The following TRIQK variants were observed in gnomAD, a reference collection of about 807,000 sequenced individuals.
TRIQK encodes triple QxxK/R motif-containing protein.
In TRIQK, 10 loss-of-function variants were observed where a neutral mutation model predicts 10.8. The observed-to-expected ratio is 0.92, with a 90% CI of 0.57 to 1.57. The LOEUF (loss-of-function observed/expected upper bound fraction) is 1.57. TRIQK is among the 40% of genes most tolerant of loss of function. The pLI is 0.00. For missense variants in TRIQK, 107 were observed against 97.7 expected (o/e 1.09, Z -0.40); for synonymous variants, 33 against 33.7 (o/e 0.98, Z 0.07).
intron 1 of TRIQK, among the ~76,000 whole-genome samples, chr8:92,977,997 G>A (rs1446974673): frequency 6.6e-6 from 1 of 152,080 alleles, no homozygotes; most frequent in Admixed American, 6.6e-5. Context: ...TGGTCTTATG[G>A]ATTTTTCTCT....
Position 92,892,009 on chromosome 8 carries a change from T to C in TRIQK, c.127A>G (p.Lys43Glu). 1.3e-6 allele frequency: 2 copies of C among 1,533,738 alleles called. No homozygotes were observed. The highest frequency in any genetic ancestry group is 1.7e-6 in the Non-Finnish European group (2 of 1,144,498). ...TTTACCTTTATGCCTATTGCTGTTT[T>C]CTTTGCTTCTGCTTTTAATTTGGTT... ...RATKLKAEAK[K>E]TAIGIKEVGL... The change falls in exon 4 of 5, where the codon AAA becomes GAA. Residue 43 changes from lysine to glutamate, a missense_variant. Physicochemically the swap from Lys to Glu is moderately conservative, Grantham distance 56 (BLOSUM62 1). Transcript: ENST00000521988.
upstream of TRIQK, among the ~76,000 whole-genome samples, chr8:92,969,796 A>T (rs1586517857): frequency 1.3e-5 from 2 of 148,346 alleles, no homozygotes; most frequent in South Asian, 2.2e-4. Context: ...AATTTTTTTT[A>T]AATTTTAGGT....
intron 3 of TRIQK, among the ~76,000 whole-genome samples, chr8:92,913,073 C>A (rs1809650636): frequency 6.6e-6 from 1 of 151,998 alleles, no homozygotes; most frequent in Admixed American, 6.6e-5. Flanking sequence ...TATTAGCAAA[C>A]AAAATTCAAC....
intron 1 of TRIQK, among the ~76,000 whole-genome samples, chr8:93,002,091 C>T (rs1813216906): frequency 6.6e-6 from 1 of 151,986 alleles, no homozygotes; most frequent in African/African-American, 2.4e-5. Flanking sequence ...AATTGCAATA[C>T]AGCATACCAA....
intron 2 of TRIQK, among the ~76,000 whole-genome samples, chr8:92,920,946 G>C (rs1386733893): frequency 6.6e-6 from 1 of 151,366 alleles, no homozygotes; most frequent in Admixed American, 6.6e-5. Flanking sequence ...CATCCAGAGG[G>C]GAGAGCCATG....
At chr8:92,889,177 C>T (rs766187889) in intron 4 of TRIQK, among the ~76,000 whole-genome samples, 7 of 151,620 alleles carry the variant, frequency 4.6e-5, no homozygotes, top group Non-Finnish European at 1.0e-4. Flanking sequence ...CCTTAAAACG[C>T]TATTACTAAA....
chr8:92,949,809 AG>A (rs1811781690), intron 2 of TRIQK, among the ~76,000 whole-genome samples: 1 of 135,916 alleles, frequency 7.4e-6, no homozygotes, highest in South Asian at 2.7e-4. Flanking sequence ...AAAGAAAGAA[AG>A]AAAGAAAGAA....
Position 92,926,415 on chromosome 8 carries a change from TA to T in TRIQK, c.-21-9406del, listed in dbSNP as rs1383824006. 19 of 152,206 alleles carry T rather than the reference TA, an allele frequency of 1.2e-4. No individual in the cohort carries two copies. The East Asian group carries it at 3.5e-3, about 28-fold the overall frequency. 9.4% of individuals were successfully genotyped at this position (152,206 alleles called of 1,614,324 possible). On this transcript the variant is annotated intron_variant, in intron 2 of 4. Coordinates refer to ENST00000521988, the MANE Select transcript of TRIQK (RefSeq NM_001171797.2). ...AATTACAGACCAATCCATTATAAAA[TA>T]AATACAAGGAAGGAGACAGATAGCA...
chr8:92,891,857 T>C, intron 4 of TRIQK, 132 bp downstream of exon 4: 1 of 667,162 alleles, frequency 1.5e-6, no homozygotes, highest in Non-Finnish European at 2.4e-6. Context: ...TACAAAAACC[T>C]TTAAGTCTGG....
chr8:93,003,019 C>G (rs924120248), intron 1 of TRIQK, among the ~76,000 whole-genome samples: 1 of 151,780 alleles, frequency 6.6e-6, no homozygotes, highest in Non-Finnish European at 1.5e-5. Flanking sequence ...GACAAGGACA[C>G]ACAAAAAGGG....
intron 4 of TRIQK, among the ~76,000 whole-genome samples, chr8:92,889,467 T>C (rs538656979): frequency 6.6e-6 from 1 of 151,738 alleles, no homozygotes; most frequent in East Asian, 1.9e-4. Context: ...AAATTAGTAA[T>C]GTTTTTAAAA....
At chr8:92,963,221 G>A (rs749658763) in intron 1 of TRIQK, among the ~76,000 whole-genome samples, 28 of 152,208 alleles carry the variant, frequency 1.8e-4, no homozygotes, top group Admixed American at 7.2e-4. Context: ...ACATTTATGC[G>A]TTTTACAAAA....
intron 2 of TRIQK, among the ~76,000 whole-genome samples, chr8:92,934,246 T>C (rs758892068): frequency 1.3e-5 from 2 of 151,970 alleles, no homozygotes; most frequent in Admixed American, 6.6e-5. Context: ...CTAGATGACA[T>C]TGACAAAGTC....
chr8:92,960,831 C>A (rs1812425188), intron 1 of TRIQK: 1 of 152,198 alleles, frequency 6.6e-6, no homozygotes, highest in African/African-American at 2.4e-5. Context: ...TTCTGAACCA[C>A]AGAACTGTCA....
intron 2 of TRIQK, among the ~76,000 whole-genome samples, chr8:92,945,639 T>C (rs1015331879): frequency 5.9e-5 from 9 of 152,336 alleles, no homozygotes; most frequent in Admixed American, 5.2e-4. Flanking sequence ...CCAACTTACA[T>C]TTGTTTTTTC....
chr8:92,981,482 CTA>C (rs1235327087), intron 1 of TRIQK, among the ~76,000 whole-genome samples: 1 of 151,804 alleles, frequency 6.6e-6, no homozygotes, highest in Admixed American at 6.6e-5. Context: ...AACTTTCTCA[CTA>C]TGATTGTGGA....
chr8:92,972,457 A>C (rs1156992400), intron 1 of TRIQK: 1 of 152,168 alleles, frequency 6.6e-6, no homozygotes, highest in Non-Finnish European at 1.5e-5. Flanking sequence ...TAGAGGTAAC[A>C]ATCTATATTG....
chr8:92,892,944 A>G (rs1816834698), intron 3 of TRIQK, among the ~76,000 whole-genome samples: 1 of 151,992 alleles, frequency 6.6e-6, no homozygotes, highest in Non-Finnish European at 1.5e-5. Context: ...AAACATAACA[A>G]TATAATATTT....
chr8:92,917,092 C>A, intron 2 of TRIQK, 82 bp from the exon 3 acceptor site: 1 of 793,424 alleles, frequency 1.3e-6, no homozygotes, highest in South Asian at 3.5e-5. Flanking sequence ...CTATAAAATT[C>A]ATTTTTAAAG....
Sources: allele counts gnomAD v4.1 joint callset (sites outside exome capture counted in the v4.1 genomes callset), GRCh38; gene constraint gnomAD v4.1.1; transcripts MANE v1.5; gene names NCBI Gene and HGNC (gene_info 2026-07-23, HGNC 2026-07-21).